PAX7: variants seen among roughly 807,000 people sequenced by gnomAD.
PAX7 encodes the protein paired box 7, also known as paired box protein Pax-7.
In PAX7, 18 loss-of-function variants were observed where a neutral mutation model predicts 50.7. That is an observed-to-expected ratio of 0.36 (90% CI 0.25 to 0.53). The LOEUF (loss-of-function observed/expected upper bound fraction) is 0.53. Among genes scored for constraint, PAX7 ranks in the 20% least tolerant of loss-of-function variants. The pLI, the probability that PAX7 is intolerant of heterozygous loss-of-function variation, is 0.93. For synonymous variants in PAX7, 310 were observed against 290.4 expected (o/e 1.07, Z -0.69); for missense variants, 644 against 702.9 (o/e 0.92, Z 0.95).
rs144442039 is a variant in PAX7 at position 18,704,528 on chromosome 1, G to C, written c.1155+1232G>C. 3.5e-4 allele frequency among the ~76,000 whole-genome samples: 53 copies of C among 152,290 alleles called. No individual in the cohort carries two copies. The East Asian group carries it at 0.01, about 29-fold the overall frequency. ...TCAGCTACTTGGGAGGCTGAGGCGA[G>C]AGAATCGCTTGAACCTGGGAGACAG... On this transcript the variant is annotated intron_variant, in intron 7 of 8. Transcript: ENST00000420770.
At chr1:18,717,415 A>G (rs2089440525) in intron 7 of PAX7, among the ~76,000 whole-genome samples, 1 of 152,112 alleles carries the variant, frequency 6.6e-6, no homozygotes, top group Non-Finnish European at 1.5e-5. Context: ...TTAGTTCATT[A>G]GGGCCTTCTC....
intron 4 of PAX7, among the ~76,000 whole-genome samples, chr1:18,651,829 C>CCCCCCCCCCCCCCCCCCCCCG (rs1557510089): frequency 6.9e-6 from 1 of 145,214 alleles, no homozygotes; most frequent in African/African-American, 2.7e-5. Flanking sequence ...CCGCCCCCCC[C>CCCCCCCCCCCCCCCCCCCCCG]ACCCCACCGC....
chr1:18,657,138 C>T (rs1028904296), intron 4 of PAX7, among the ~76,000 whole-genome samples: 1 of 152,110 alleles, frequency 6.6e-6, no homozygotes, highest in Non-Finnish European at 1.5e-5. Flanking sequence ...ACGACCCCAC[C>T]TTACCAGGCA....
chr1:18,717,046 C>CCGCCGT (rs1165496732), intron 7 of PAX7, among the ~76,000 whole-genome samples: 3 of 151,912 alleles, frequency 2.0e-5, no homozygotes, highest in Non-Finnish European at 4.4e-5. Flanking sequence ...TCCGCCGCCG[C>CCGCCGT]CGCCGTCGCC....
At position 18,746,646 on chromosome 1, in the gene PAX7, A is replaced by G. The variant is rs1931452735; in HGVS notation, c.*1717A>G. 4.3e-6 allele frequency: 1 copy of G among 230,866 alleles called. No individual in the cohort carries two copies. The highest frequency in any genetic ancestry group is 1.8e-4 in the South Asian group (1 of 5,506). The allele number at this position is 230,866 out of a possible 1,614,324, so 14.3% of individuals were successfully genotyped here. A position where few individuals can be genotyped will look rare whatever the true frequency, so the allele number is the denominator to read the frequency against. On this transcript the variant is annotated 3_prime_UTR_variant, in exon 9 of 9. Transcript: ENST00000420770. ...GGTTCATGAGGCCACCTCTTTGCTC[A>G]ATCCATGCCTCTTGCCCTCAGTCAA...
chr1:18,700,763 G>A lies in PAX7; in HGVS notation c.897G>A (p.Thr299=), dbSNP rs150935650. The A allele has an allele frequency of 6.2e-5, 98 of 1,589,378 alleles. No individual in the cohort carries two copies. Among genetic ancestry groups the A allele is most frequent in the Middle Eastern group, 3.3e-4 (2 of 6,036 alleles). ...GCTTCCCACCCACCGGCATGCCCAC[G>A]CTGCCCCCCTACCAGCTGCCGGACT... ...PGGFPPTGMP[T]LPPYQLPDST... The change falls in exon 6 of 9, where the codon ACG becomes ACA. Residue 299 remains threonine, a synonymous_variant. Transcript: ENST00000420770. The surrounding 1 kb of genome is among the most constrained non-coding windows in gnomAD (Gnocchi z 4.8).
At chr1:18,677,357 G>A (rs1178446061) in intron 4 of PAX7, among the ~76,000 whole-genome samples, 4 of 152,162 alleles carry the variant, frequency 2.6e-5, no homozygotes, top group Admixed American at 6.5e-5. Flanking sequence ...CAGCACTCCA[G>A]GACCGGCGCA....
At chr1:18,673,083 G>C (rs1030181679) in intron 4 of PAX7, among the ~76,000 whole-genome samples, 3 of 152,122 alleles carry the variant, frequency 2.0e-5, no homozygotes, top group Admixed American at 6.5e-5. Context: ...GAGTGGCAAG[G>C]GGTCTGTAGC....
chr1:18,678,691 T>C (rs16862129), intron 4 of PAX7, among the ~76,000 whole-genome samples: 10,154 of 152,294 alleles, frequency 0.067, 377 homozygotes, highest in South Asian at 0.082. Context: ...AGCAGAGTTC[T>C]CTGGATGTGG....
chr1:18,636,384 C>A lies in PAX7; in HGVS notation c.586+13C>A, dbSNP rs756275704. ...CTGGGCGACAAAGGTAGGGAACTTC[C>A]CTGGGCTGCGAGGCCCCAGCCCGGG... On this transcript the variant is annotated intron_variant, in intron 4 of 8. Coordinates refer to ENST00000420770, the MANE Select transcript of PAX7 (RefSeq NM_001135254.2). This position sits in a 1 kb window ranked among gnomAD's most constrained non-coding sequence, Gnocchi z 5.1. 3 of 1,612,544 alleles carry A rather than the reference C, an allele frequency of 1.9e-6. No homozygotes were observed. Among genetic ancestry groups the A allele is most frequent in the African/African-American group, 2.7e-5 (2 of 74,914 alleles).
At chr1:18,736,857 G>T (rs780196400) in intron 8 of PAX7, among the ~76,000 whole-genome samples, 1 of 152,156 alleles carries the variant, frequency 6.6e-6, no homozygotes, top group Non-Finnish European at 1.5e-5. Flanking sequence ...TTTCCCAGTC[G>T]CACTAGCCAC....
intron 5 of PAX7, among the ~76,000 whole-genome samples, chr1:18,694,003 A>G (rs1004623251): frequency 4.6e-5 from 7 of 152,142 alleles, no homozygotes; most frequent in African/African-American, 1.7e-4. Context: ...CCTGCGTCTT[A>G]TTGACTTCCT....
intron 4 of PAX7, among the ~76,000 whole-genome samples, chr1:18,655,510 A>T (rs1213723215): frequency 6.6e-6 from 1 of 152,040 alleles, no homozygotes; most frequent in African/African-American, 2.4e-5. Flanking sequence ...TTGCTCAGAC[A>T]CCCTCCACAG....
At chr1:18,718,799 C>T (rs536262097) in intron 7 of PAX7, among the ~76,000 whole-genome samples, 14 of 152,014 alleles carry the variant, frequency 9.2e-5, no homozygotes, top group Non-Finnish European at 1.6e-4. Flanking sequence ...TGCACCACCA[C>T]GCTGGCTAAT....
At chr1:18,666,512 C>T (rs2088671549) in intron 4 of PAX7, among the ~76,000 whole-genome samples, 1 of 152,204 alleles carries the variant, frequency 6.6e-6, no homozygotes, top group South Asian at 2.1e-4. Flanking sequence ...TAATAGCTGC[C>T]CAGCAACATT....
At chr1:18,654,011 G>C (rs555965955) in intron 4 of PAX7, among the ~76,000 whole-genome samples, 76 of 152,214 alleles carry the variant, frequency 5.0e-4, no homozygotes, top group Admixed American at 2.9e-3. Flanking sequence ...TGTCGCAGGA[G>C]AGCCTTTCTT....
chr1:18,678,461 G>C (rs1466297767), intron 4 of PAX7, among the ~76,000 whole-genome samples: 1 of 152,124 alleles, frequency 6.6e-6, no homozygotes, highest in East Asian at 1.9e-4. Context: ...TAGTTACCCT[G>C]CCCTCGAGTA....
In PAX7 at chr1:18,725,317, C is replaced by T. The variant is rs2236811; in HGVS notation, c.1156-10315C>T. On this transcript the variant is annotated intron_variant, in intron 7 of 8. Coordinates refer to ENST00000420770, the MANE Select transcript of PAX7 (RefSeq NM_001135254.2). ...AGGTGGAGACGCCCCCCCCCCGCCC[C>T]ACCAACACCGCCAGGCCAGGGGGGC... Among the ~76,000 whole-genome samples the T allele has an allele frequency of 2.2e-5, 3 of 138,478 alleles. No homozygotes were observed. In the South Asian group the frequency reaches 7.6e-4, roughly 35 times the overall value. 90.8% of individuals were successfully genotyped at this position (138,478 alleles called of 152,430 possible).
intron 4 of PAX7, among the ~76,000 whole-genome samples, chr1:18,672,596 G>GT (rs1034079316): frequency 0.014 from 1,713 of 125,778 alleles, 29 homozygotes; most frequent in East Asian, 0.02. Flanking sequence ...AGAGCACTGT[G>GT]TTTTTTTTTT....
Sources: allele counts gnomAD v4.1 joint callset (sites outside exome capture counted in the v4.1 genomes callset), GRCh38; gene constraint gnomAD v4.1.1; non-coding constraint Gnocchi (gnomAD v3.1); transcripts MANE v1.5; gene names NCBI Gene and HGNC (gene_info 2026-07-23, HGNC 2026-07-21).